The following DLC1 variants were observed in gnomAD, a reference collection of about 807,000 sequenced individuals.
DLC1 encodes the protein rho GTPase-activating protein 7.
In DLC1, 54 loss-of-function variants were observed where a neutral mutation model predicts 140.3. The observed-to-expected ratio is 0.38, with a 90% confidence interval of 0.31 to 0.48. The LOEUF is 0.48. Among genes scored for constraint, DLC1 ranks in the 20% least tolerant of loss-of-function variants. The pLI is 0.96. For synonymous variants in DLC1, 986 were observed against 728.1 expected (o/e 1.35, Z -5.70); for missense variants, 2,536 against 1,907.0 (o/e 1.33, Z -6.14).
At chr8:13,254,804 G>C (rs1347086831) in intron 5 of DLC1, among the ~76,000 whole-genome samples, 1 of 152,080 alleles carries the variant, frequency 6.6e-6, no homozygotes, top group Non-Finnish European at 1.5e-5. Context: ...TGTGTGATAT[G>C]ATTAAAAATC....
upstream of DLC1, among the ~76,000 whole-genome samples, chr8:13,517,120 A>G (rs904611489): frequency 6.6e-6 from 1 of 152,316 alleles, no homozygotes; most frequent in East Asian, 1.9e-4. Context: ...TTCCCTAAGA[A>G]AAACACTGGA....
At chr8:13,173,659 C>G (rs952173694) in intron 5 of DLC1, among the ~76,000 whole-genome samples, 1 of 152,144 alleles carries the variant, frequency 6.6e-6, no homozygotes. Flanking sequence ...CTTGAGCCAC[C>G]GCGCCCGGCC....
Position 13,141,070 on chromosome 8 carries a change from C to T in DLC1, c.1349-25413G>A, listed in dbSNP as rs141853898. 4.2e-3 allele frequency among the ~76,000 whole-genome samples: 635 copies of T among 151,952 alleles called. 6 individuals carry two copies. Among genetic ancestry groups the T allele is most frequent in the African/African-American group, 0.015 (615 of 41,442 alleles). On this transcript the variant is annotated intron_variant, in intron 5 of 17. Coordinates refer to ENST00000276297, the MANE Select transcript of DLC1 (RefSeq NM_182643.3). ...GGGAGTTCGAGACCAGCCTGACCAACATGGAGGAATCCCCATCACTACTAA... is the reference window on the plus strand; with the variant it reads ...GGGAGTTCGAGACCAGCCTGACCAATATGGAGGAATCCCCATCACTACTAA...
chr8:13,562,798 A>G (rs886565175), intron 1 of DLC1, among the ~76,000 whole-genome samples: 1 of 152,196 alleles, frequency 6.6e-6, no homozygotes, highest in Non-Finnish European at 1.5e-5. Flanking sequence ...AAATGTGTGA[A>G]TAAAATACAT....
intron 1 of DLC1, among the ~76,000 whole-genome samples, chr8:13,592,713 C>T (rs930603513): frequency 1.3e-5 from 2 of 152,074 alleles, no homozygotes; most frequent in Non-Finnish European, 2.9e-5. Flanking sequence ...TTAAGGAAGG[C>T]ACTGGGAGCA....
intron 7 of DLC1, 51 bp downstream of exon 7, chr8:13,110,691 C>G: frequency 5.9e-6 from 9 of 1,530,112 alleles, no homozygotes; most frequent in Middle Eastern, 1.7e-4. Flanking sequence ...GTGAGAAGTA[C>G]TGTGTTCTTA....
At chr8:13,386,832 C>T (rs1318166775) in intron 4 of DLC1, among the ~76,000 whole-genome samples, 1 of 151,918 alleles carries the variant, frequency 6.6e-6, no homozygotes, top group Non-Finnish European at 1.5e-5. Flanking sequence ...CTCAGTTCTT[C>T]CTTAAAAAGC....
chr8:13,170,491 G>GCCAAGGT (rs1825386108), intron 5 of DLC1, among the ~76,000 whole-genome samples: 1 of 152,116 alleles, frequency 6.6e-6, no homozygotes, highest in African/African-American at 2.4e-5. Context: ...AGCACTTTGC[G>GCCAAGGT]GGGCCAAGGT....
intron 5 of DLC1, among the ~76,000 whole-genome samples, chr8:13,273,833 C>A (rs1004523450): frequency 6.6e-6 from 1 of 151,778 alleles, no homozygotes; most frequent in Admixed American, 6.6e-5. Flanking sequence ...TGTTATCCCA[C>A]GACCAAACCC....
chr8:13,100,355 T>G lies in DLC1; in HGVS notation c.1982A>C (p.Lys661Thr). Residue 661 changes from lysine to threonine, a missense_variant, in exon 9 of 18, where the codon AAG (lysine) becomes ACG (threonine). By Grantham distance (78) the Lys-to-Thr change is moderately conservative. Transcript: ENST00000276297. The part of the protein sequence containing the change: ...FSMKGHEKTA[K>T]SKTRSLLKRM... ...TTTCAGCAGACTGCGCGTCTTGGACTTGGCAGTTTTTTCGTGGCCTTTCAT... is the reference window on the plus strand; with the variant it reads ...TTTCAGCAGACTGCGCGTCTTGGACGTGGCAGTTTTTTCGTGGCCTTTCAT... 3 of 1,614,230 alleles carry G rather than the reference T, an allele frequency of 1.9e-6. No homozygotes were observed. The highest frequency in any genetic ancestry group is 1.7e-6 in the Non-Finnish European group (2 of 1,180,044).
In DLC1 at chr8:13,171,776, G is replaced by A. The variant is rs563290758; in HGVS notation, c.1349-56119C>T. Among the ~76,000 whole-genome samples, 17 of 152,272 alleles carry A rather than the reference G, an allele frequency of 1.1e-4. No homozygotes were observed. In the South Asian group the frequency reaches 1.7e-3, roughly 15 times the overall value. On this transcript the variant is annotated intron_variant, in intron 5 of 17. Coordinates refer to ENST00000276297, the MANE Select transcript of DLC1 (RefSeq NM_182643.3). ...ATATAACATCTAATCAAGGCCTTGC[G>A]GAGGGTATAGCTAGAGTACTTGGAG... is the stretch of plus-strand genomic sequence containing the variant.
chr8:13,568,774 T>A (rs1041065307), intron 1 of DLC1, among the ~76,000 whole-genome samples: 2 of 152,186 alleles, frequency 1.3e-5, no homozygotes, highest in African/African-American at 2.4e-5. Flanking sequence ...TCTAACCACA[T>A]CAATCAACAG....
intron 2 of DLC1, among the ~76,000 whole-genome samples, chr8:13,405,562 C>T (rs972625072): frequency 6.6e-6 from 1 of 152,128 alleles, no homozygotes; most frequent in African/African-American, 2.4e-5. Flanking sequence ...GAGACTAGAG[C>T]CTGGCTCTTC....
At chr8:13,111,416 G>T (rs554978119) in intron 6 of DLC1, among the ~76,000 whole-genome samples, 1 of 152,212 alleles carries the variant, frequency 6.6e-6, no homozygotes, top group African/African-American at 2.4e-5. Context: ...AAAAAGAAAG[G>T]GCTAGCTATG....
intron 5 of DLC1, among the ~76,000 whole-genome samples, chr8:13,142,040 C>G (rs1286588406): frequency 6.6e-6 from 1 of 152,128 alleles, no homozygotes; most frequent in Non-Finnish European, 1.5e-5. Flanking sequence ...TGAGTGAATT[C>G]TCACGAGATC....
intron 4 of DLC1, among the ~76,000 whole-genome samples, chr8:13,369,354 C>CAAAAAAAAAA (rs148214804): frequency 7.8e-6 from 1 of 128,102 alleles, no homozygotes; most frequent in Non-Finnish European, 1.6e-5. Context: ...TTGGCTGGGT[C>CAAAAAAAAAA]GAAAAAAAAA....
chr8:13,464,359 C>A (rs893903355), intron 2 of DLC1, among the ~76,000 whole-genome samples: 3 of 152,102 alleles, frequency 2.0e-5, no homozygotes, highest in African/African-American at 7.2e-5. Flanking sequence ...ATTATCCTTG[C>A]CTTTGAGCAT....
At chr8:13,599,304 G>A (rs1805786553) in intron 1 of DLC1, among the ~76,000 whole-genome samples, 1 of 151,772 alleles carries the variant, frequency 6.6e-6, no homozygotes, top group Admixed American at 6.6e-5. Flanking sequence ...TGAACATTTG[G>A]ATAAAATGCA....
intron 5 of DLC1, among the ~76,000 whole-genome samples, chr8:13,190,614 C>T (rs1338675511): frequency 2.0e-5 from 3 of 152,134 alleles, no homozygotes; most frequent in Admixed American, 2.0e-4. Context: ...AATGAATTTG[C>T]AGGTACACAA....
Sources: allele counts gnomAD v4.1 joint callset (sites outside exome capture counted in the v4.1 genomes callset), GRCh38; gene constraint gnomAD v4.1.1; transcripts MANE v1.5; gene names NCBI Gene and HGNC (gene_info 2026-07-23, HGNC 2026-07-21).